RBFOX1: variants seen among roughly 807,000 people sequenced by gnomAD.
RBFOX1 encodes RNA binding fox-1 homolog 1.
Under a neutral mutation model 57.7 loss-of-function variants are expected in RBFOX1, and 8 were observed. The ratio of observed to expected loss-of-function variants is 0.14; its 90% CI spans 0.08 to 0.25. The LOEUF is 0.25. RBFOX1 is among the 10% of genes least tolerant of loss of function. The pLI, the probability that RBFOX1 is intolerant of heterozygous loss-of-function variation, is 1.00. For missense variants in RBFOX1, 611 were observed against 548.5 expected, an observed-to-expected ratio of 1.11 and a Z score of -1.14; for synonymous variants, 326 against 222.4, an observed-to-expected ratio of 1.47 and a Z score of -4.15.
rs78039720 is a variant in RBFOX1 at position 7,481,274 on chromosome 16, C to T, written c.28-36873C>T. On this transcript the variant is annotated intron_variant, in intron 4 of 15. Transcript: ENST00000550418. ...AGAGCCCCCGTCTTCAGGGTGCTTA[C>T]GGTTTTGTGGATAATAGAAATCGCA... Among the ~76,000 whole-genome samples, 1,319 of 152,216 alleles carry T rather than the reference C, an allele frequency of 8.7e-3. 20 individuals carry two copies. Among genetic ancestry groups the T allele is most frequent in the African/African-American group, 0.031 (1,267 of 41,520 alleles).
intron 14 of RBFOX1, among the ~76,000 whole-genome samples, chr16:7,685,286 C>T (rs563657957): frequency 6.6e-6 from 1 of 152,142 alleles, no homozygotes; most frequent in African/African-American, 2.4e-5. Flanking sequence ...ACTTTTATTA[C>T]CATTGCCTCT....
chr16:5,772,987 C>T (rs558342615), intron 3 of RBFOX1, among the ~76,000 whole-genome samples: 35 of 152,226 alleles, frequency 2.3e-4, no homozygotes, highest in African/African-American at 7.9e-4. Context: ...TGGTGTGTTC[C>T]AGGAAGCCTT....
At chr16:7,106,984 A>AAACACACACACACAG in intron 4 of RBFOX1, among the ~76,000 whole-genome samples, 1 of 148,514 alleles carries the variant, frequency 6.7e-6, no homozygotes, top group Non-Finnish European at 1.5e-5. Context: ...ACACAGTTAA[A>AAACACACACACACAG]ACACACACAC....
At chr16:6,257,447 G>C (rs2097675186) in intron 1 of RBFOX1, among the ~76,000 whole-genome samples, 2 of 151,758 alleles carry the variant, frequency 1.3e-5, no homozygotes, top group South Asian at 4.2e-4. Flanking sequence ...TTTAAGTTCA[G>C]GGGCACACGT....
intron 3 of RBFOX1, among the ~76,000 whole-genome samples, chr16:5,718,049 T>C (rs527986880): frequency 2.6e-5 from 4 of 152,334 alleles, no homozygotes; most frequent in Non-Finnish European, 4.4e-5. Flanking sequence ...ACTTTGGTAT[T>C]GGCCAGGTGA....
chr16:7,124,799 C>G lies in RBFOX1; in HGVS notation c.27+72701C>G, dbSNP rs572045547. On this transcript the variant is annotated intron_variant, in intron 4 of 15. Transcript: ENST00000550418. ...CTGCACTTCCAATGAAAACAGACAG[C>G]CAGTGTAGAGACAGTCCGTATCCTG... 6.3e-4 allele frequency among the ~76,000 whole-genome samples: 96 copies of G among 152,070 alleles called. 1 individual carries two copies. Among genetic ancestry groups the G allele is most frequent in the African/African-American group, 2.2e-3 (91 of 41,482 alleles).
chr16:6,478,419 ATATATATATAT>A (rs1302750304), intron 2 of RBFOX1, among the ~76,000 whole-genome samples: 248 of 13,772 alleles, frequency 0.018, no homozygotes, highest in Middle Eastern at 0.05. Flanking sequence ...ATATATATAT[ATATATATATAT>A]TTTTTTTTTT....
At chr16:5,766,985 G>A (rs1265462955) in intron 3 of RBFOX1, among the ~76,000 whole-genome samples, 3 of 152,026 alleles carry the variant, frequency 2.0e-5, no homozygotes, top group Non-Finnish European at 4.4e-5. Flanking sequence ...CTTATTTCAG[G>A]GTTTTCTGTA....
intron 5 of RBFOX1, among the ~76,000 whole-genome samples, chr16:7,540,791 G>C (rs965181543): frequency 6.6e-6 from 1 of 152,156 alleles, no homozygotes; most frequent in Non-Finnish European, 1.5e-5. Flanking sequence ...CTCATGCTAG[G>C]CTTGTAGGAA....
intron 4 of RBFOX1, among the ~76,000 whole-genome samples, chr16:7,413,899 C>T (rs1006129468): frequency 2.0e-5 from 3 of 152,056 alleles, no homozygotes; most frequent in Admixed American, 1.3e-4. Flanking sequence ...ATTGGATTTG[C>T]ATTCGTTAAG....
intron 4 of RBFOX1, among the ~76,000 whole-genome samples, chr16:7,054,072 C>T (rs976512509): frequency 2.0e-5 from 3 of 151,432 alleles, no homozygotes; most frequent in Non-Finnish European, 2.9e-5. Context: ...TTTTCTTCTG[C>T]CCTCTTCATT....
intron 3 of RBFOX1, among the ~76,000 whole-genome samples, chr16:7,020,791 C>T (rs1274199942): frequency 6.6e-6 from 1 of 152,068 alleles, no homozygotes; most frequent in African/African-American, 2.4e-5. Flanking sequence ...CCTTAATGTT[C>T]CCAGTATCCA....
chr16:6,884,672 T>C (rs1603636471), intron 3 of RBFOX1, among the ~76,000 whole-genome samples: 1 of 152,044 alleles, frequency 6.6e-6, no homozygotes, highest in Non-Finnish European at 1.5e-5. Context: ...GCTGAGGTGG[T>C]GGATCACTTG....
rs368152309 is a variant in RBFOX1, at chr16:6,850,145, C to G, written c.-16+195495C>G. 1.2e-3 allele frequency among the ~76,000 whole-genome samples: 186 copies of G among 152,208 alleles called. 6 individuals carry two copies. The South Asian group carries it at 0.037, about 31-fold the overall frequency. On this transcript the variant is annotated intron_variant, in intron 3 of 15. Transcript: ENST00000550418. ...AAGTAAACTTACAAGTTCCTGCACC[C>G]TAGGGTTCCTTTCCCTTTATCATTT...
Position 6,855,251 on chromosome 16 carries a change from G to T in RBFOX1, c.-15-196806G>T, listed in dbSNP as rs751857864. On this transcript the variant is annotated intron_variant, in intron 3 of 15. Coordinates refer to ENST00000550418, the MANE Select transcript of RBFOX1 (RefSeq NM_018723.4). ...GTGAACATATGCATGAGGAAGGGAG[G>T]GAGGGAGAGGGGGAAGGAGGGCAGT... Among the ~76,000 whole-genome samples the T allele has an allele frequency of 1.6e-4, 24 of 152,036 alleles. 1 individual carries two copies. Among genetic ancestry groups the T allele is most frequent in the Non-Finnish European group, 3.1e-4 (21 of 68,010 alleles).
chr16:6,930,712 A>G (rs2076363499), intron 3 of RBFOX1, among the ~76,000 whole-genome samples: 1 of 152,068 alleles, frequency 6.6e-6, no homozygotes, highest in African/African-American at 2.4e-5. Flanking sequence ...GCCTGGCCTA[A>G]TTCCCCGTTT....
At chr16:6,185,715 A>G (rs2097100981) in intron 1 of RBFOX1, among the ~76,000 whole-genome samples, 1 of 152,260 alleles carries the variant, frequency 6.6e-6, no homozygotes, top group Non-Finnish European at 1.5e-5. Flanking sequence ...TACAAGAAAT[A>G]AAACTTGGAG....
chr16:5,849,247 CTTTA>C (rs2151861246), intron 3 of RBFOX1, among the ~76,000 whole-genome samples: 1 of 152,210 alleles, frequency 6.6e-6, no homozygotes, highest in African/African-American at 2.4e-5. Context: ...GGGTTCTTGA[CTTTA>C]AGGACGATGG....
At chr16:6,461,826 A>T (rs1190153983) in intron 2 of RBFOX1, among the ~76,000 whole-genome samples, 1 of 152,156 alleles carries the variant, frequency 6.6e-6, no homozygotes, top group Non-Finnish European at 1.5e-5. Context: ...CAATAAAAGG[A>T]CATATGCAAT....
Sources: allele counts gnomAD v4.1 joint callset (sites outside exome capture counted in the v4.1 genomes callset), GRCh38; gene constraint gnomAD v4.1.1; transcripts MANE v1.5; gene names NCBI Gene and HGNC (gene_info 2026-07-23, HGNC 2026-07-21).